Variants in RAD51B observed in about 807,000 individuals in gnomAD.
RAD51B encodes the protein DNA repair protein RAD51 homolog 2.
RAD51B carries 38 observed loss-of-function variants against 42.2 expected under a neutral mutation model. That is an observed-to-expected ratio of 0.90 (90% confidence interval 0.70 to 1.18). The LOEUF is 1.18. Among genes scored for constraint, RAD51B ranks in the 50% most tolerant of loss-of-function variants. The pLI is 0.00. For missense variants in RAD51B, 373 were observed against 400.7 expected, an observed-to-expected ratio of 0.93 and a Z score of 0.59; for synonymous variants, 154 against 145.2, an observed-to-expected ratio of 1.06 and a Z score of -0.43.
intron 9 of RAD51B, among the ~76,000 whole-genome samples, chr14:68,460,449 A>G (rs2085814897): frequency 1.3e-5 from 2 of 151,974 alleles, no homozygotes; most frequent in East Asian, 1.9e-4. Flanking sequence ...GCAAGACTCC[A>G]TCTCAAAAAA....
chr14:68,033,017 T>G (rs1389393861), intron 7 of RAD51B, among the ~76,000 whole-genome samples: 2 of 152,198 alleles, frequency 1.3e-5, no homozygotes, highest in Non-Finnish European at 1.5e-5. Flanking sequence ...TGACCTTCGC[T>G]TAGGCTAGGT....
intron 10 of RAD51B, among the ~76,000 whole-genome samples, chr14:68,505,968 AC>A (rs1447979879): frequency 4.6e-5 from 7 of 152,250 alleles, no homozygotes; most frequent in African/African-American, 1.4e-4. Flanking sequence ...TTCTTTATAT[AC>A]CAGCTTTTCT....
intron 11 of RAD51B, among the ~76,000 whole-genome samples, chr14:68,669,627 T>TC (rs956540802): frequency 8.8e-5 from 13 of 148,024 alleles, no homozygotes; most frequent in Admixed American, 2.7e-4. Context: ...ACCCGCCACT[T>TC]ACACACACAC....
intron 7 of RAD51B, among the ~76,000 whole-genome samples, chr14:68,091,215 C>G (rs1026655296): frequency 5.3e-4 from 80 of 152,066 alleles, no homozygotes; most frequent in Middle Eastern, 3.4e-3. Context: ...GGGTATATAC[C>G]CAGTAATGGG....
chr14:68,529,996 G>A (rs1185725703), intron 10 of RAD51B, among the ~76,000 whole-genome samples: 1 of 152,142 alleles, frequency 6.6e-6, no homozygotes, highest in Non-Finnish European at 1.5e-5. Flanking sequence ...AATAGATGAA[G>A]ATAAAATTAG....
At chr14:68,454,667 G>T (rs989701020) in intron 9 of RAD51B, among the ~76,000 whole-genome samples, 2 of 152,186 alleles carry the variant, frequency 1.3e-5, no homozygotes, top group South Asian at 4.1e-4. Flanking sequence ...ATGCTAAAAA[G>T]CTCCATTCTC....
intron 7 of RAD51B, among the ~76,000 whole-genome samples, chr14:68,214,690 A>G (rs1161075069): frequency 1.3e-5 from 2 of 152,200 alleles, no homozygotes; most frequent in Admixed American, 6.5e-5. Context: ...TTTTGAGTTA[A>G]AGGGAATTAC....
At chr14:68,074,630 C>T (rs756916692) in intron 7 of RAD51B, among the ~76,000 whole-genome samples, 2 of 152,118 alleles carry the variant, frequency 1.3e-5, no homozygotes, top group African/African-American at 2.4e-5. Flanking sequence ...AGAGTTCTTG[C>T]GTTGGTTCTT....
chr14:67,926,291 T>G (rs1324180529), intron 7 of RAD51B, among the ~76,000 whole-genome samples: 2 of 152,184 alleles, frequency 1.3e-5, no homozygotes, highest in African/African-American at 2.4e-5. Context: ...TAGAAATTTT[T>G]TACACCAGAT....
intron 9 of RAD51B, among the ~76,000 whole-genome samples, chr14:68,462,436 A>C (rs2085868227): frequency 2.0e-5 from 3 of 152,226 alleles, no homozygotes; most frequent in Admixed American, 2.0e-4. Context: ...GAATAAGTGC[A>C]TGGATGGGTG....
At chr14:68,358,720 G>C (rs2082958210) in intron 8 of RAD51B, among the ~76,000 whole-genome samples, 1 of 152,182 alleles carries the variant, frequency 6.6e-6, no homozygotes, top group Admixed American at 6.5e-5. Flanking sequence ...TTATGGTCTG[G>C]TTGGTCCATG....
intron 9 of RAD51B, among the ~76,000 whole-genome samples, chr14:68,415,340 C>A (rs2084529861): frequency 6.6e-6 from 1 of 152,150 alleles, no homozygotes; most frequent in African/African-American, 2.4e-5. Context: ...GCTGCATCGT[C>A]AGAGGGCACA....
intron 8 of RAD51B, among the ~76,000 whole-genome samples, chr14:68,365,200 G>A (rs1004384467): frequency 6.6e-6 from 1 of 152,342 alleles, no homozygotes; most frequent in South Asian, 2.1e-4. Context: ...TAACGCCAGA[G>A]CTTCAGAGGC....
chr14:68,250,692 G>A (rs1473250736), intron 7 of RAD51B, among the ~76,000 whole-genome samples: 1 of 152,136 alleles, frequency 6.6e-6, no homozygotes, highest in Non-Finnish European at 1.5e-5. Flanking sequence ...AGGACAACCG[G>A]CATTAATTCA....
At chr14:68,026,774 G>T (rs1456338716) in intron 7 of RAD51B, among the ~76,000 whole-genome samples, 3 of 152,062 alleles carry the variant, frequency 2.0e-5, no homozygotes, top group African/African-American at 7.2e-5. Context: ...GCAGACGGTT[G>T]AGTCCTGTTT....
chr14:68,560,163 C>G (rs1192944620), intron 10 of RAD51B, among the ~76,000 whole-genome samples: 2 of 152,146 alleles, frequency 1.3e-5, no homozygotes, highest in African/African-American at 4.8e-5. Flanking sequence ...AAAATAGCAC[C>G]CTTTTCCCAT....
At chr14:68,497,593 A>G in intron 10 of RAD51B, 1 of 929,270 alleles carries the variant, frequency 1.1e-6, no homozygotes, top group Non-Finnish European at 1.3e-6. Context: ...TGGCAACTAG[A>G]TATCATGATG....
chr14:68,098,969 G>A (rs574139254), intron 7 of RAD51B, among the ~76,000 whole-genome samples: 10 of 152,302 alleles, frequency 6.6e-5, no homozygotes, highest in African/African-American at 2.4e-4. Flanking sequence ...CTCTGTTCTA[G>A]GGGTTCTGGA....
intron 11 of RAD51B, among the ~76,000 whole-genome samples, chr14:68,668,005 C>A (rs1263337147): frequency 6.6e-6 from 1 of 152,200 alleles, no homozygotes; most frequent in African/African-American, 2.4e-5. Context: ...TAAAGAAGCA[C>A]TTCCCTGGCC....
Sources: allele counts gnomAD v4.1 joint callset (sites outside exome capture counted in the v4.1 genomes callset), GRCh38; gene constraint gnomAD v4.1.1; transcripts MANE v1.5; gene names NCBI Gene and HGNC (gene_info 2026-07-23, HGNC 2026-07-21).